TRPC4AP: variants seen among roughly 807,000 people sequenced by gnomAD.
TRPC4AP encodes transient receptor potential cation channel subfamily C member 4 associated protein.
TRPC4AP carries 45 observed loss-of-function variants against 99.0 expected under a neutral mutation model. The ratio of observed to expected loss-of-function variants is 0.45; its 90% CI spans 0.36 to 0.58. The LOEUF (loss-of-function observed/expected upper bound fraction) is 0.58, where lower values mean the gene tolerates loss of function less well. Ranked by LOEUF, TRPC4AP falls within the 20% of genes least tolerant of loss-of-function variation. The pLI is 0.00. For synonymous variants in TRPC4AP, 408 were observed against 385.8 expected (o/e 1.06, Z -0.67); for missense variants, 879 against 985.3 (o/e 0.89, Z 1.44).
intron 11 of TRPC4AP, among the ~76,000 whole-genome samples, chr20:35,011,017 T>C (rs545610296): frequency 1.3e-5 from 2 of 152,278 alleles, no homozygotes; most frequent in African/African-American, 2.4e-5. Flanking sequence ...TCCCAGCACT[T>C]TGGAAGGTCC....
chr20:35,091,201 G>T (rs2085054580), intron 1 of TRPC4AP, among the ~76,000 whole-genome samples: 1 of 151,956 alleles, frequency 6.6e-6, no homozygotes, highest in South Asian at 2.1e-4. Context: ...TGTTGCCTGG[G>T]CTGGTCTCGA....
In TRPC4AP at chr20:35,002,851, C is replaced by A. The variant is rs930178835; in HGVS notation, c.*295G>T. Reference sequence around the variant, plus strand: ...GCCAAGAAACCGGCAGGAGCTCACACAGAGCTAATGCTAAATGTCCTCTTA... The same window carrying A: ...GCCAAGAAACCGGCAGGAGCTCACAAAGAGCTAATGCTAAATGTCCTCTTA... On this transcript the variant is annotated 3_prime_UTR_variant, in exon 19 of 19. Coordinates refer to ENST00000252015, the MANE Select transcript of TRPC4AP (RefSeq NM_015638.3). 2 of 306,124 alleles carry A rather than the reference C, an allele frequency of 6.5e-6. No individual in the cohort carries two copies. The highest frequency in any genetic ancestry group is 5.1e-5 in the South Asian group (1 of 19,512). 19.0% of individuals were successfully genotyped at this position (306,124 alleles called of 1,614,324 possible). A position where few individuals can be genotyped will look rare whatever the true frequency, so the allele number is the denominator to read the frequency against.
At chr20:35,046,293 A>G (rs1001482028) in intron 6 of TRPC4AP, among the ~76,000 whole-genome samples, 1 of 152,116 alleles carries the variant, frequency 6.6e-6, no homozygotes, top group Non-Finnish European at 1.5e-5. Context: ...ATTTGGTTCT[A>G]TTCTCACTCA....
intron 3 of TRPC4AP, among the ~76,000 whole-genome samples, chr20:35,066,162 G>A (rs1056133234): frequency 6.6e-6 from 1 of 151,850 alleles, no homozygotes; most frequent in African/African-American, 2.4e-5. Context: ...TGCAGTTCAT[G>A]GTGCGATCTC....
rs1285692085 is a variant in TRPC4AP, at chr20:35,035,294, T to C, written c.880A>G (p.Ile294Val). Residue 294 changes from isoleucine (I) to valine (V), a missense_variant, in exon 8 of 19, where the codon ATT becomes GTT. Coordinates refer to ENST00000252015, the MANE Select transcript of TRPC4AP (RefSeq NM_015638.3). ...CAAAGCCGCTCAACAAAGCCAGGAA[T>C]GCTGAGAAGGGCCGCTGCCAGGGAA... Reference protein sequence around the residue: ...AEINQAALLSIPGFVERLCKL... With the variant: ...AEINQAALLSVPGFVERLCKL... The C allele has an allele frequency of 1.9e-6, 3 of 1,613,654 alleles. No individual in the cohort carries two copies. The highest frequency in any genetic ancestry group is 2.2e-5 in the East Asian group (1 of 44,882).
In TRPC4AP at chr20:35,007,348, T is replaced by A. The variant is rs534138714; in HGVS notation, c.1686+202A>T. Among the ~76,000 whole-genome samples the A allele has an allele frequency of 7.2e-5, 11 of 152,328 alleles. No homozygotes were observed. The South Asian group carries it at 1.9e-3, about 26-fold the overall frequency. ...ACCCTCCTGCATGGCCTGGCCACCC[T>A]CTAAACCTGTCACCCCGTAAGCACC... On this transcript the variant is annotated intron_variant, in intron 14 of 18. Transcript: ENST00000252015.
chr20:35,011,811 G>A (rs1272582353), intron 11 of TRPC4AP, among the ~76,000 whole-genome samples: 2 of 152,236 alleles, frequency 1.3e-5, no homozygotes, highest in Non-Finnish European at 2.9e-5. Flanking sequence ...TCAGGTCTTG[G>A]CTGGCAAGCC....
rs778236066 is a variant in TRPC4AP at position 35,087,173 on chromosome 20, C to CA, written c.168+5440dup. ...TGAAACCCCGTCTCTACTAAAAATA[C>CA]AAAAAAAAAAAAAAAATTAGCCAGG... is the stretch of plus-strand genomic sequence containing the variant. On this transcript the variant is annotated intron_variant, in intron 1 of 18. Transcript: ENST00000252015. Among the ~76,000 whole-genome samples the CA allele has an allele frequency of 9.7e-3, 1,152 of 118,704 alleles. 12 individuals carry two copies. Among genetic ancestry groups the CA allele is most frequent in the African/African-American group, 0.024 (801 of 32,888 alleles). The allele number at this position is 118,704 out of a possible 152,430, so 77.9% of individuals were successfully genotyped here. A position where few individuals can be genotyped will look rare whatever the true frequency, so the allele number is the denominator to read the frequency against.
chr20:35,026,814 C>G (rs1454586447), intron 8 of TRPC4AP, among the ~76,000 whole-genome samples: 1 of 151,574 alleles, frequency 6.6e-6, no homozygotes, highest in Non-Finnish European at 1.5e-5. Context: ...TTTTTTTGAT[C>G]CTATTATAAA....
At chr20:35,041,515 T>C (rs2083446050) in intron 7 of TRPC4AP, among the ~76,000 whole-genome samples, 1 of 152,262 alleles carries the variant, frequency 6.6e-6, no homozygotes, top group Admixed American at 6.5e-5. Context: ...AAAGTGAATC[T>C]AGATTATTTT....
intron 12 of TRPC4AP, among the ~76,000 whole-genome samples, chr20:35,009,543 G>T (rs954742938): frequency 6.6e-6 from 1 of 152,182 alleles, no homozygotes; most frequent in Non-Finnish European, 1.5e-5. Context: ...CTACTCGGGC[G>T]GCTGAGGCAG....
rs759142142 is a variant in TRPC4AP, at chr20:35,035,275, C to T, written c.899G>A (p.Arg300Gln). The change falls in exon 8 of 19, where the codon CGG becomes CAG. Residue 300 changes from arginine (R) to glutamine (Q), a missense_variant. Arg to Gln is a conservative substitution (Grantham distance 43). Around this residue, in one of 3 missense-constraint regions of TRPC4AP, gnomAD observed 603 missense variants for 631.8 expected, o/e 0.95. Transcript: ENST00000252015. Reference sequence around the variant, plus strand: ...CTTTCGAGTCGCCAGTTTGCAAAGCCGCTCAACAAAGCCAGGAATGCTGAG... The same window carrying T: ...CTTTCGAGTCGCCAGTTTGCAAAGCTGCTCAACAAAGCCAGGAATGCTGAG... ...ALLSIPGFVE[R>Q]LCKLATRKVS... 1.6e-5 allele frequency: 26 copies of T among 1,613,896 alleles called. No individual in the cohort carries two copies. Among genetic ancestry groups the T allele is most frequent in the Admixed American group, 5.0e-5 (3 of 59,974 alleles).
intron 1 of TRPC4AP, among the ~76,000 whole-genome samples, chr20:35,089,902 A>G (rs755648280): frequency 3.3e-5 from 5 of 152,056 alleles, no homozygotes; most frequent in African/African-American, 9.7e-5. Context: ...ACCACATGCC[A>G]TAACAGTATA....
intron 6 of TRPC4AP, among the ~76,000 whole-genome samples, chr20:35,046,922 G>A (rs999606241): frequency 2.6e-5 from 4 of 151,928 alleles, no homozygotes; most frequent in African/African-American, 2.4e-5. Flanking sequence ...AGGCCAGAGC[G>A]CAATGGCACA....
chr20:35,013,021 T>A lies in TRPC4AP; in HGVS notation c.1396A>T (p.Ser466Cys). ...TCTTGTACTTACTCGTGGTGGTCAC[T>A]GAAGCTCTGAAGAAGCCTCAAAAAC... ...IQFLRLLQSF[S>C]DHHENKYLLL... Residue 466 changes from serine (S) to cysteine (C), a missense_variant, in exon 11 of 19, where the codon AGT becomes TGT. Around this residue, in one of 3 missense-constraint regions of TRPC4AP, gnomAD observed 603 missense variants for 631.8 expected, o/e 0.95. Transcript: ENST00000252015. 1 of 1,614,118 alleles carries A rather than the reference T, an allele frequency of 6.2e-7. No individual in the cohort carries two copies. The highest frequency in any genetic ancestry group is 8.5e-7 in the Non-Finnish European group (1 of 1,180,016).
At chr20:35,024,086 C>A (rs1320970562) in intron 8 of TRPC4AP, among the ~76,000 whole-genome samples, 2 of 151,994 alleles carry the variant, frequency 1.3e-5, no homozygotes, top group African/African-American at 4.8e-5. Flanking sequence ...GCGGTCACCA[C>A]TCTCTGTCTG....
At chr20:35,036,815 G>A (rs1389391550) in intron 7 of TRPC4AP, among the ~76,000 whole-genome samples, 1 of 152,010 alleles carries the variant, frequency 6.6e-6, no homozygotes, top group African/African-American at 2.4e-5. Flanking sequence ...GCGTGGTATC[G>A]TGCGCCTGTA....
At chr20:35,025,583 TTGTCTA>T (rs1405138861) in intron 8 of TRPC4AP, among the ~76,000 whole-genome samples, 1 of 152,164 alleles carries the variant, frequency 6.6e-6, no homozygotes, top group African/African-American at 2.4e-5. Flanking sequence ...TTCAGATCCT[TTGTCTA>T]TATTTTGAAA....
chr20:35,078,297 A>G, intron 1 of TRPC4AP, 123 bp from the exon 2 acceptor site: 3 of 978,542 alleles, frequency 3.1e-6, no homozygotes, highest in Non-Finnish European at 4.4e-6. Context: ...TCTAAGCACT[A>G]CTATAAAAAG....
Sources: allele counts gnomAD v4.1 joint callset (sites outside exome capture counted in the v4.1 genomes callset), GRCh38; gene constraint gnomAD v4.1.1; regional missense constraint gnomAD v4.1.1; transcripts MANE v1.5; gene names NCBI Gene and HGNC (gene_info 2026-07-23, HGNC 2026-07-21).